LIPE: variants seen among roughly 807,000 people sequenced by gnomAD.
LIPE encodes the protein lipase E, hormone sensitive type, also known as hormone-sensitive lipase.
A neutral mutation model predicts 88.5 loss-of-function variants in LIPE; 66 were observed. That is an observed-to-expected ratio of 0.75 (90% CI 0.61 to 0.91). LIPE has a LOEUF of 0.91. LIPE is among the 40% of genes least tolerant of loss of function. The probability of loss-of-function intolerance (pLI) is 0.00; values close to 1 mark genes in which losing one functional copy is unlikely to be tolerated. For synonymous variants in LIPE, 570 were observed against 617.5 expected (o/e 0.92, Z 1.14); for missense variants, 1,346 against 1,434.7 (o/e 0.94, Z 1.00).
Position 42,410,672 on chromosome 19 carries a change from G to A in LIPE, c.1054C>T (p.Leu352=). Residue 352 remains leucine, a synonymous_variant, in exon 2 of 10, where the codon CTG becomes TTG. Transcript: ENST00000244289. This position sits in a 1 kb window ranked among gnomAD's most constrained non-coding sequence, Gnocchi z 6.1. ...TGCGCCACACCCAGCAGGCGGCCCA[G>A]GGCCGGCTCCAGCCCCAGCGCCTGC... ...REQALGLEPA[L]GRLLGVAHLF... The A allele has an allele frequency of 6.2e-7, 1 of 1,612,216 alleles. No individual in the cohort carries two copies. The highest frequency in any genetic ancestry group is 8.5e-7 in the Non-Finnish European group (1 of 1,178,804).
Position 42,408,561 on chromosome 19 carries a change from T to A in LIPE, c.1420-239A>T. ...TATCATGACAAGGAATGACGAATGGTTTGGAAAAAAAAAAAGGCAGTAGGT... is the reference window on the plus strand; with the variant it reads ...TATCATGACAAGGAATGACGAATGGATTGGAAAAAAAAAAAGGCAGTAGGT... On this transcript the variant is annotated intron_variant, in intron 2 of 9. Transcript: ENST00000244289. This position sits in a 1 kb window ranked among gnomAD's most constrained non-coding sequence, Gnocchi z 4.3. The A allele has an allele frequency of 2.0e-6, 1 of 511,592 alleles. No homozygotes were observed. The highest frequency in any genetic ancestry group is 3.4e-5 in the East Asian group (1 of 29,524). 31.7% of individuals were successfully genotyped at this position (511,592 alleles called of 1,614,324 possible). A position where few individuals can be genotyped will look rare whatever the true frequency, so the allele number is the denominator to read the frequency against.
Position 42,402,717 on chromosome 19 carries a change from C to T in LIPE, c.2857G>A (p.Gly953Ser), listed in dbSNP as rs202185683. The change falls in exon 9 of 10, where the codon GGT becomes AGT. Residue 953 changes from glycine to serine, a missense_variant. Physicochemically the swap from Gly to Ser is moderately conservative, Grantham distance 56. Coordinates refer to ENST00000244289, the MANE Select transcript of LIPE (RefSeq NM_005357.4). ...EGFHPRRSSQ[G>S]ATQMPLYSSP... ...GAGTAGAGGGGCATCTGTGTGGCAC[C>T]CTGGCTGGAGCGTCGGGGGTGGAAA... 280 of 1,550,436 alleles carry T rather than the reference C, an allele frequency of 1.8e-4. No homozygotes were observed. Among genetic ancestry groups the T allele is most frequent in the Non-Finnish European group, 2.4e-4 (271 of 1,143,656 alleles).
At chr19:42,412,449 G>C (rs144251600) in intron 1 of LIPE, 3 of 985,890 alleles carry the variant, frequency 3.0e-6, no homozygotes, top group African/African-American at 3.5e-5. Flanking sequence ...CAATAAACCC[G>C]GGGGCGGGGC....
At chr19:42,425,613 A>G (rs373215191) in intron 1 of LIPE, among the ~76,000 whole-genome samples, 17 of 151,966 alleles carry the variant, frequency 1.1e-4, no homozygotes, top group African/African-American at 4.1e-4. Flanking sequence ...GGAGTTCGAG[A>G]CCAGCCTGGG....
intron 1 of LIPE, chr19:42,423,036 C>T (rs1244608184): frequency 4.3e-6 from 1 of 232,868 alleles, no homozygotes; most frequent in Non-Finnish European, 8.8e-6. Flanking sequence ...CCTCCTTCCC[C>T]CTTATCCTCT....
In LIPE at chr19:42,402,665, A is replaced by C; in HGVS notation, c.2909T>G (p.Met970Arg). 6.7e-7 allele frequency: 1 copy of C among 1,502,016 alleles called. No homozygotes were observed. The highest frequency in any genetic ancestry group is 8.9e-7 in the Non-Finnish European group (1 of 1,123,556). 93.0% of individuals were successfully genotyped at this position (1,502,016 alleles called of 1,614,324 possible). A position where few individuals can be genotyped will look rare whatever the true frequency, so the allele number is the denominator to read the frequency against. The change falls in exon 9 of 10, where the codon ATG (methionine) becomes AGG (arginine). Residue 970 changes from methionine (M) to arginine (R), a missense_variant. By Grantham distance (91) the Met-to-Arg change is moderately conservative. Transcript: ENST00000244289. The part of the protein sequence containing the change: ...YSSPIVKNPF[M>R]SPLLAPDSML... The stretch of plus-strand genomic sequence containing the variant: ...GCTGTCGGGTGCCAGCAGCGGCGAC[A>C]TGAAGGGGTTCTTGACTATGGGTGA...
chr19:42,407,951 G>A lies in LIPE; in HGVS notation c.1656+25C>T. On this transcript the variant is annotated intron_variant, in intron 4 of 9. Transcript: ENST00000244289. This position sits in a 1 kb window ranked among gnomAD's most constrained non-coding sequence, Gnocchi z 5.8. The stretch of plus-strand genomic sequence containing the variant: ...CTCAGATGAGTCTCTGGGCCTCAGT[G>A]TCCCCATCTGCAACAGGCCCTCACC... The A allele has an allele frequency of 6.2e-7, 1 of 1,606,514 alleles. No homozygotes were observed. The highest frequency in any genetic ancestry group is 8.5e-7 in the Non-Finnish European group (1 of 1,177,524).
In LIPE at chr19:42,401,590, C is replaced by CGCA. The variant is rs113461674; in HGVS notation, c.*219_*221dup. ...CAGTCCCCGTCCCTGCGGCGGTCGC[C>CGCA]GCAGCAGCAGCAGCAAAAGGCAGCG... is the stretch of plus-strand genomic sequence containing the variant. On this transcript the variant is annotated 3_prime_UTR_variant, in exon 10 of 10. Transcript: ENST00000244289. 2.0e-5 allele frequency: 10 copies of CGCA among 512,126 alleles called. No homozygotes were observed. Among genetic ancestry groups the CGCA allele is most frequent in the African/African-American group, 1.0e-4 (5 of 49,228 alleles). 31.7% of individuals were successfully genotyped at this position (512,126 alleles called of 1,614,324 possible).
At chr19:42,426,039 C>A (rs1162518140) in intron 1 of LIPE, among the ~76,000 whole-genome samples, 1 of 150,170 alleles carries the variant, frequency 6.7e-6, no homozygotes, top group African/African-American at 2.5e-5. Flanking sequence ...TGGCCTCAAG[C>A]AATCCATCTG....
intron 1 of LIPE, among the ~76,000 whole-genome samples, chr19:42,419,224 G>A (rs1028008818): frequency 1.3e-5 from 2 of 152,190 alleles, no homozygotes; most frequent in African/African-American, 4.8e-5. Flanking sequence ...GTTGCGGTGA[G>A]CCAAGATCAC....
chr19:42,406,317 G>A lies in LIPE; in HGVS notation c.2209C>T (p.Arg737Trp), dbSNP rs199656532. Residue 737 changes from arginine (R) to tryptophan (W), a missense_variant, in exon 7 of 10, where the codon CGG becomes TGG. Transcript: ENST00000244289. The surrounding 1 kb of genome is among the most constrained non-coding windows in gnomAD (Gnocchi z 5.7). ...ACCCGCACCCCGTAGGCTGCTGCCC[G>A]AAGAGCCACGGTGAAGCAGAGGTTC... Reference protein sequence around the residue: ...GGNLCFTVALRAAAYGVRVPD... With the variant: ...GGNLCFTVALWAAAYGVRVPD... The A allele has an allele frequency of 2.0e-5, 32 of 1,614,138 alleles. No homozygotes were observed. Among genetic ancestry groups the A allele is most frequent in the East Asian group, 8.9e-5 (4 of 44,882 alleles).
intron 1 of LIPE, among the ~76,000 whole-genome samples, chr19:42,415,662 C>T (rs1040273422): frequency 1.3e-5 from 2 of 151,664 alleles, no homozygotes; most frequent in African/African-American, 2.4e-5. Flanking sequence ...TACAAAAAAT[C>T]AGCCGGGCGT....
intron 8 of LIPE, among the ~76,000 whole-genome samples, chr19:42,404,377 C>G (rs765208911): frequency 2.0e-5 from 3 of 151,992 alleles, no homozygotes; most frequent in Non-Finnish European, 4.4e-5. Context: ...ATTACAGATG[C>G]ATGCCACCAT....
Position 42,406,018 on chromosome 19 carries a change from A to ACACACACACG in LIPE, c.2365+142_2365+143insCGTGTGTGTG, listed in dbSNP as rs2040170460. 3.2e-6 allele frequency: 2 copies of ACACACACACG among 619,414 alleles called. No homozygotes were observed. Among genetic ancestry groups the ACACACACACG allele is most frequent in the South Asian group, 3.9e-5 (2 of 51,530 alleles). The allele number at this position is 619,414 out of a possible 1,614,324, so 38.4% of individuals were successfully genotyped here. ...CACACACACACACACACACACACACACGAAAAAAAAGGGACAAGGAGTCTT... is the reference window on the plus strand; with the variant it reads ...CACACACACACACACACACACACACACACACACACGCGAAAAAAAAGGGACAAGGAGTCTT... On this transcript the variant is annotated intron_variant, in intron 7 of 9. Transcript: ENST00000244289. The surrounding 1 kb of genome is among the most constrained non-coding windows in gnomAD (Gnocchi z 5.7).
chr19:42,424,114 T>G, intron 1 of LIPE: 1 of 1,190,808 alleles, frequency 8.4e-7, no homozygotes, highest in Non-Finnish European at 1.1e-6. Flanking sequence ...CCGCTTTCCC[T>G]CTCCTGTCTC....
At chr19:42,416,200 C>G (rs765121081) in intron 1 of LIPE, among the ~76,000 whole-genome samples, 9 of 152,020 alleles carry the variant, frequency 5.9e-5, no homozygotes, top group South Asian at 2.1e-4. Context: ...AAAAAGAAGC[C>G]GGGCGTGGTG....
rs567404834 is a variant in LIPE at position 42,414,048 on chromosome 19, G to A, written c.884-3206C>T. 3.3e-5 allele frequency among the ~76,000 whole-genome samples: 5 copies of A among 152,248 alleles called. No individual in the cohort carries two copies. The highest frequency in any genetic ancestry group is 1.2e-4 in the African/African-American group (5 of 41,540). On this transcript the variant is annotated intron_variant, in intron 1 of 9. Transcript: ENST00000244289. This position sits in a 1 kb window ranked among gnomAD's most constrained non-coding sequence, Gnocchi z 4.6. ...AATGCCAGCACGTTGGGAGGCCGAC[G>A]TGGGTGGGCCACGAGGTCAGGAGAT...
intron 1 of LIPE, chr19:42,412,331 G>A: frequency 1.0e-6 from 1 of 985,810 alleles, no homozygotes; most frequent in Non-Finnish European, 1.2e-6. Flanking sequence ...CCTGGCAGCG[G>A]CCATTCCCGT....
In LIPE at chr19:42,407,323, T is replaced by C. The variant is rs148406719; in HGVS notation, c.1988A>G (p.His663Arg). ...GGCCCAGCTCTTGAGGTAGGGCTCG[T>C]GGGATCTGGAGGTCTGGGCCACAAA... ...GGFVAQTSRS[H>R]EPYLKSWAQE... The change falls in exon 6 of 10, where the codon CAC (histidine) becomes CGC (arginine). Residue 663 changes from histidine (H) to arginine (R), a missense_variant. Transcript: ENST00000244289. The surrounding 1 kb of genome is among the most constrained non-coding windows in gnomAD (Gnocchi z 5.8). 1.2e-6 allele frequency: 2 copies of C among 1,612,052 alleles called. No homozygotes were observed. Among genetic ancestry groups the C allele is most frequent in the African/African-American group, 2.7e-5 (2 of 74,838 alleles).
Sources: allele counts gnomAD v4.1 joint callset (sites outside exome capture counted in the v4.1 genomes callset), GRCh38; gene constraint gnomAD v4.1.1; non-coding constraint Gnocchi (gnomAD v3.1); transcripts MANE v1.5; gene names NCBI Gene and HGNC (gene_info 2026-07-23, HGNC 2026-07-21).